CELF4: variants seen among roughly 807,000 people sequenced by gnomAD.
CELF4 encodes the protein CUG-BP- and ETR-3-like factor 4.
In CELF4, 18 loss-of-function variants were observed where a neutral mutation model predicts 59.9. The ratio of observed to expected loss-of-function variants is 0.30; its 90% confidence interval spans 0.21 to 0.45. The LOEUF is 0.45. Ranked by LOEUF, CELF4 falls within the 20% of genes least tolerant of loss-of-function variation. The pLI is 1.00. For synonymous variants in CELF4, 261 were observed against 267.1 expected (o/e 0.98, Z 0.22); for missense variants, 456 against 689.0 (o/e 0.66, Z 3.79).
intron 3 of CELF4, among the ~76,000 whole-genome samples, chr18:37,276,855 T>A (rs2093382447): frequency 1.3e-5 from 2 of 152,230 alleles, no homozygotes; most frequent in Non-Finnish European, 2.9e-5. Context: ...GATTACATGA[T>A]TGACACACAG....
chr18:37,292,241 C>T (rs17653286), intron 3 of CELF4, among the ~76,000 whole-genome samples: 25,968 of 152,226 alleles, frequency 0.17, 2,688 homozygotes, highest in Middle Eastern at 0.24. Context: ...GACTACGACA[C>T]TCCCACTGAA....
At chr18:37,339,612 G>A (rs1021362123) in intron 2 of CELF4, among the ~76,000 whole-genome samples, 1 of 152,028 alleles carries the variant, frequency 6.6e-6, no homozygotes, top group African/African-American at 2.4e-5. Context: ...AACATAACCA[G>A]GTGTGATAGC....
chr18:37,516,864 G>A (rs954973100), intron 1 of CELF4, among the ~76,000 whole-genome samples: 57 of 152,174 alleles, frequency 3.7e-4, no homozygotes, highest in African/African-American at 9.9e-4. Context: ...CTGGGGGCAC[G>A]TGGCTGGGAT....
At chr18:37,389,156 G>A (rs1345644729) in intron 2 of CELF4, among the ~76,000 whole-genome samples, 1 of 152,212 alleles carries the variant, frequency 6.6e-6, no homozygotes, top group African/African-American at 2.4e-5. Flanking sequence ...ACATGGAGCA[G>A]GCACCAGAGG....
chr18:37,532,784 A>T (rs1233591990), intron 1 of CELF4, among the ~76,000 whole-genome samples: 1 of 152,230 alleles, frequency 6.6e-6, no homozygotes, highest in Non-Finnish European at 1.5e-5. Flanking sequence ...CTGCACTTAT[A>T]AGGCAGTTGC....
At chr18:37,283,748 G>A (rs1252855249) in intron 3 of CELF4, among the ~76,000 whole-genome samples, 9 of 151,804 alleles carry the variant, frequency 5.9e-5, no homozygotes, top group Non-Finnish European at 1.3e-4. Flanking sequence ...AGCCCTGTAG[G>A]TATGAGGGGC....
At chr18:37,431,454 G>T (rs990029452) in intron 2 of CELF4, among the ~76,000 whole-genome samples, 2 of 132,554 alleles carry the variant, frequency 1.5e-5, no homozygotes, top group Non-Finnish European at 3.1e-5. Flanking sequence ...TGCAAGCTCC[G>T]CCTCCCAGGT....
chr18:37,339,584 T>A lies in CELF4; in HGVS notation c.370-17703A>T, dbSNP rs373120354. Among the ~76,000 whole-genome samples the A allele has an allele frequency of 1.2e-4, 19 of 152,058 alleles. No individual in the cohort carries two copies. The East Asian group carries it at 3.5e-3, about 28-fold the overall frequency. On this transcript the variant is annotated intron_variant, in intron 2 of 12. Transcript: ENST00000420428. ...GCCTAGCCAACATAGTGAAACCCCA[T>A]CTCTACTAAAAATACAAAACATAAC...
chr18:37,454,619 G>T (rs1009500749), intron 2 of CELF4, among the ~76,000 whole-genome samples: 3 of 152,110 alleles, frequency 2.0e-5, no homozygotes, highest in African/African-American at 7.2e-5. Flanking sequence ...GATATGTGAT[G>T]GCTGTATTAT....
At chr18:37,437,949 C>T (rs2099698530) in intron 2 of CELF4, among the ~76,000 whole-genome samples, 1 of 148,648 alleles carries the variant, frequency 6.7e-6, no homozygotes, top group Non-Finnish European at 1.5e-5. Flanking sequence ...GTGAGGCCCT[C>T]ATGATGAGAT....
At chr18:37,501,677 C>T (rs1475372654) in intron 1 of CELF4, among the ~76,000 whole-genome samples, 1 of 152,176 alleles carries the variant, frequency 6.6e-6, no homozygotes. Context: ...GGGGAACCTT[C>T]CTGGAGGCTG....
Position 37,485,509 on chromosome 18 carries a change from G to T in CELF4, c.369+16C>A. The T allele has an allele frequency of 1.5e-6, 2 of 1,300,244 alleles. No individual in the cohort carries two copies. The highest frequency in any genetic ancestry group is 3.4e-5 in the East Asian group (1 of 29,788). 80.5% of individuals were successfully genotyped at this position (1,300,244 alleles called of 1,614,324 possible). On this transcript the variant is annotated intron_variant, in intron 2 of 12. Transcript: ENST00000420428. ...TCGGCGCGTCGGCCGCTTGCGCCAC[G>T]GCGGGCGCCACTTACCCCGGGCAGA...
At chr18:37,330,191 G>A (rs570252251) in intron 2 of CELF4, among the ~76,000 whole-genome samples, 3 of 152,272 alleles carry the variant, frequency 2.0e-5, no homozygotes, top group Admixed American at 6.5e-5. Flanking sequence ...TTGTCTTCCC[G>A]GCGCTTAGCA....
At chr18:37,381,801 C>G (rs2099043721) in intron 2 of CELF4, among the ~76,000 whole-genome samples, 1 of 152,186 alleles carries the variant, frequency 6.6e-6, no homozygotes, top group South Asian at 2.1e-4. Flanking sequence ...GGCCCACTAC[C>G]TGCATCTATG....
At chr18:37,471,475 C>T (rs975132269) in intron 2 of CELF4, among the ~76,000 whole-genome samples, 9 of 152,108 alleles carry the variant, frequency 5.9e-5, no homozygotes, top group African/African-American at 1.9e-4. Context: ...CTCCAGCCAG[C>T]GCCCCCTGTC....
chr18:37,312,527 G>T (rs961222624), intron 3 of CELF4, among the ~76,000 whole-genome samples: 3 of 152,194 alleles, frequency 2.0e-5, no homozygotes, highest in Non-Finnish European at 2.9e-5. Context: ...CAGGACATAC[G>T]CTTGGCACTG....
At chr18:37,420,843 T>C (rs992325063) in intron 2 of CELF4, among the ~76,000 whole-genome samples, 6 of 152,226 alleles carry the variant, frequency 3.9e-5, no homozygotes, top group Non-Finnish European at 5.9e-5. Flanking sequence ...CCCAGCTTCT[T>C]GGAAGCCCTG....
At chr18:37,266,070 G>T in intron 9 of CELF4, 1 of 231,700 alleles carries the variant, frequency 4.3e-6, no homozygotes, top group Non-Finnish European at 8.6e-6. Context: ...TGTGAGGAAG[G>T]GAATGGGGAA....
intron 2 of CELF4, among the ~76,000 whole-genome samples, chr18:37,457,358 C>A (rs1221460166): frequency 6.6e-6 from 1 of 152,202 alleles, no homozygotes; most frequent in African/African-American, 2.4e-5. Flanking sequence ...TGAAAGCCCC[C>A]TCCAGACACA....
Sources: gnomAD v4.1 joint callset for allele counts (sites outside exome capture counted in the v4.1 genomes callset) on GRCh38, gnomAD v4.1.1 for gene constraint, MANE v1.5 for transcripts, NCBI Gene and HGNC (gene_info 2026-07-23, HGNC 2026-07-21) for gene names.